Variants in RNF43 observed in about 807,000 individuals in gnomAD.
RNF43 encodes ring finger protein 43, also known as E3 ubiquitin-protein ligase RNF43.
In RNF43, 37 loss-of-function variants were observed where a neutral mutation model predicts 78.4. The ratio of observed to expected loss-of-function variants is 0.47; its 90% CI spans 0.36 to 0.62. RNF43 has a LOEUF of 0.62. RNF43 is among the 20% of genes least tolerant of loss of function. RNF43 has a pLI of 0.00. For missense variants in RNF43, 774 were observed against 1,007.9 expected, an observed-to-expected ratio of 0.77 and a Z score of 3.14; for synonymous variants, 347 against 395.0, an observed-to-expected ratio of 0.88 and a Z score of 1.44.
At chr17:58,356,379 A>G (rs1387086383) in intron 9 of RNF43, among the ~76,000 whole-genome samples, 4 of 152,224 alleles carry the variant, frequency 2.6e-5, no homozygotes, top group Non-Finnish European at 4.4e-5. Flanking sequence ...GGCTGTAGAC[A>G]AAGAACTGTG....
At chr17:58,388,548 G>A (rs1973482445) in intron 2 of RNF43, among the ~76,000 whole-genome samples, 2 of 152,164 alleles carry the variant, frequency 1.3e-5, no homozygotes, top group South Asian at 2.1e-4. Context: ...AGTATTTGAT[G>A]AGCACCTATC....
intron 2 of RNF43, among the ~76,000 whole-genome samples, chr17:58,407,283 T>G (rs1272816802): frequency 5.3e-5 from 8 of 152,176 alleles, no homozygotes; most frequent in African/African-American, 1.9e-4. Context: ...TTTCACCATG[T>G]TGGCCAGGCT....
chr17:58,399,003 G>C (rs994580489), intron 2 of RNF43, among the ~76,000 whole-genome samples: 1 of 152,192 alleles, frequency 6.6e-6, no homozygotes, highest in African/African-American at 2.4e-5. Flanking sequence ...CCCTTCTCCA[G>C]GTCCTCCCCA....
chr17:58,385,102 T>C (rs1973404285), intron 2 of RNF43, among the ~76,000 whole-genome samples: 1 of 152,232 alleles, frequency 6.6e-6, no homozygotes, highest in South Asian at 2.1e-4. Flanking sequence ...TCCACTTCTC[T>C]GATTGTCCTC....
chr17:58,379,664 G>A (rs1973273266), intron 2 of RNF43, among the ~76,000 whole-genome samples: 1 of 152,210 alleles, frequency 6.6e-6, no homozygotes, highest in South Asian at 2.1e-4. Context: ...CCCACACTCT[G>A]CCTGGCATCT....
chr17:58,368,118 T>C (rs566368627), intron 3 of RNF43, among the ~76,000 whole-genome samples: 62 of 152,294 alleles, frequency 4.1e-4, no homozygotes, highest in Admixed American at 2.4e-3. Flanking sequence ...AGCTCTGTCA[T>C]TGGTGACAAC....
intron 3 of RNF43, among the ~76,000 whole-genome samples, chr17:58,365,549 A>T (rs958564742): frequency 7.2e-5 from 11 of 152,240 alleles, no homozygotes; most frequent in Non-Finnish European, 1.6e-4. Flanking sequence ...ACAAAGTTGT[A>T]AAAGTGATCA....
Position 58,360,334 on chromosome 17 carries a change from AG to A in RNF43, c.850-84del. On this transcript the variant is annotated intron_variant, in intron 7 of 9. Transcript: ENST00000407977. The surrounding 1 kb of genome is among the most constrained non-coding windows in gnomAD (Gnocchi z 4.3). The stretch of plus-strand genomic sequence containing the variant: ...AATCAGGACATCCCCCAACTCCCTT[AG>A]GCCTCTCCTTGCTATTATCTACTTG... 2 of 960,506 alleles carry A rather than the reference AG, an allele frequency of 2.1e-6. No individual in the cohort carries two copies. The highest frequency in any genetic ancestry group is 2.7e-5 in the South Asian group (2 of 74,798). 59.5% of individuals were successfully genotyped at this position (960,506 alleles called of 1,614,324 possible). A position where few individuals can be genotyped will look rare whatever the true frequency, so the allele number is the denominator to read the frequency against.
chr17:58,405,645 C>G (rs1973889650), intron 2 of RNF43, among the ~76,000 whole-genome samples: 1 of 149,584 alleles, frequency 6.7e-6, no homozygotes, highest in African/African-American at 2.5e-5. Flanking sequence ...TGCCACTGCA[C>G]TCCAGCCTGG....
At chr17:58,369,041 A>G (rs1973019263) in intron 3 of RNF43, among the ~76,000 whole-genome samples, 1 of 151,850 alleles carries the variant, frequency 6.6e-6, no homozygotes, top group African/African-American at 2.4e-5. Context: ...GCTTCTCGGA[A>G]TCCTTCTTCC....
chr17:58,393,289 C>T (rs1598157227), intron 2 of RNF43, among the ~76,000 whole-genome samples: 1 of 152,224 alleles, frequency 6.6e-6, no homozygotes, highest in East Asian at 1.9e-4. Flanking sequence ...TGCCTGTAGT[C>T]CCAGCTACTT....
At chr17:58,376,075 G>A (rs2143540046) in intron 2 of RNF43, among the ~76,000 whole-genome samples, 1 of 152,266 alleles carries the variant, frequency 6.6e-6, no homozygotes, top group Admixed American at 6.5e-5. Flanking sequence ...CTGAGTAGTG[G>A]GAAGCTGCAG....
chr17:58,369,575 C>G (rs1031309169), intron 3 of RNF43, among the ~76,000 whole-genome samples: 2 of 152,212 alleles, frequency 1.3e-5, no homozygotes, highest in African/African-American at 4.8e-5. Flanking sequence ...CACACACAAT[C>G]TGACTACACT....
rs968651367 is a variant in RNF43 at position 58,354,826 on chromosome 17, C to T, written c.*117G>A. 16 of 940,536 alleles carry T rather than the reference C, an allele frequency of 1.7e-5. No individual in the cohort carries two copies. Among genetic ancestry groups the T allele is most frequent in the Admixed American group, 7.5e-5 (4 of 53,572 alleles). 58.3% of individuals were successfully genotyped at this position (940,536 alleles called of 1,614,324 possible). Reference sequence around the variant, plus strand: ...CCTCTTCCAGTGCTTCTAGGAAGTACGGCAAAAAGAATGGTGTTTGCTGTG... The same window carrying T: ...CCTCTTCCAGTGCTTCTAGGAAGTATGGCAAAAAGAATGGTGTTTGCTGTG... On this transcript the variant is annotated 3_prime_UTR_variant, in exon 10 of 10. Coordinates refer to ENST00000407977, the MANE Select transcript of RNF43 (RefSeq NM_017763.6).
intron 2 of RNF43, chr17:58,402,743 G>A (rs1246415681): frequency 1.3e-5 from 2 of 152,202 alleles, no homozygotes; most frequent in Non-Finnish European, 2.9e-5. Flanking sequence ...TTAACATGGT[G>A]GTTGTGTCTC....
chr17:58,399,548 A>T (rs1490409018), intron 2 of RNF43, among the ~76,000 whole-genome samples: 1 of 151,900 alleles, frequency 6.6e-6, no homozygotes, highest in Admixed American at 6.6e-5. Flanking sequence ...ACAATCCTGA[A>T]CTCCTTCCCT....
At chr17:58,393,389 C>T (rs2526367) in intron 2 of RNF43, among the ~76,000 whole-genome samples, 128,749 of 152,196 alleles carry the variant, frequency 0.85, 54,777 homozygotes, top group East Asian at 1. Flanking sequence ...CCTGGGCATC[C>T]AGAGCAAAAC....
chr17:58,374,483 C>T (rs1973164519), intron 2 of RNF43, among the ~76,000 whole-genome samples: 1 of 151,796 alleles, frequency 6.6e-6, no homozygotes, highest in African/African-American at 2.4e-5. Context: ...ACCTCCACCT[C>T]CTGGGTTCAA....
chr17:58,399,434 T>C (rs553898661), intron 2 of RNF43, among the ~76,000 whole-genome samples: 1,671 of 101,984 alleles, frequency 0.016, 12 homozygotes, highest in Middle Eastern at 0.029. Context: ...TCTTAGAGAC[T>C]TGCGGGATAA....
Sources: allele counts gnomAD v4.1 joint callset (sites outside exome capture counted in the v4.1 genomes callset), GRCh38; gene constraint gnomAD v4.1.1; non-coding constraint Gnocchi (gnomAD v3.1); transcripts MANE v1.5; gene names NCBI Gene and HGNC (gene_info 2026-07-23, HGNC 2026-07-21).